MSRA: variants seen among roughly 807,000 people sequenced by gnomAD.
The protein encoded by MSRA is methionine sulfoxide reductase A.
MSRA carries 54 observed loss-of-function variants against 31.3 expected under a neutral mutation model. That is an observed-to-expected ratio of 1.73 (90% CI 1.39 to 2.17). The LOEUF (loss-of-function observed/expected upper bound fraction) is 2.17. Among genes scored for constraint, MSRA ranks in the 30% most tolerant of loss-of-function variants. MSRA has a pLI of 0.00. For synonymous variants in MSRA, 169 were observed against 116.5 expected, an observed-to-expected ratio of 1.45 and a Z score of -2.90; for missense variants, 507 against 300.9, an observed-to-expected ratio of 1.69 and a Z score of -5.07.
chr8:10,282,582 A>G (rs1285185374), intron 3 of MSRA, among the ~76,000 whole-genome samples: 2 of 152,164 alleles, frequency 1.3e-5, no homozygotes, highest in Admixed American at 1.3e-4. Flanking sequence ...CCATAGTGGC[A>G]CTGTGCTTGA....
intron 1 of MSRA, among the ~76,000 whole-genome samples, chr8:10,146,435 A>G (rs1248525742): frequency 1.3e-5 from 2 of 152,172 alleles, no homozygotes; most frequent in African/African-American, 4.8e-5. Flanking sequence ...ATGCTCTTGC[A>G]TCGGTAGAGA....
At chr8:10,319,756 C>T (rs188979893) in intron 4 of MSRA, 127 bp from the exon 5 acceptor site, 2 of 450,072 alleles carry the variant, frequency 4.4e-6, no homozygotes, top group Non-Finnish European at 7.8e-6. Flanking sequence ...TTAAAACAAG[C>T]ACTTAGCAAC....
At chr8:10,403,591 G>T (rs543607777) in intron 5 of MSRA, among the ~76,000 whole-genome samples, 7 of 152,344 alleles carry the variant, frequency 4.6e-5, no homozygotes, top group African/African-American at 1.7e-4. Flanking sequence ...GTGTCCCGTG[G>T]GGAAAAGCAT....
chr8:10,421,726 G>GC (rs1808822665), intron 5 of MSRA, among the ~76,000 whole-genome samples: 1 of 152,208 alleles, frequency 6.6e-6, no homozygotes, highest in African/African-American at 2.4e-5. Flanking sequence ...TGCTTTTCGT[G>GC]CATCTGTGGT....
At chr8:10,332,451 T>TCCCCCCCCCCCCC (rs373121180) in intron 5 of MSRA, among the ~76,000 whole-genome samples, 2 of 146,510 alleles carry the variant, frequency 1.4e-5, no homozygotes, top group Non-Finnish European at 1.5e-5. Context: ...AAAAGAAAAA[T>TCCCCCCCCCCCCC]CCCCCCTCCC....
intron 1 of MSRA, among the ~76,000 whole-genome samples, chr8:10,119,632 C>A (rs138716274): frequency 6.6e-6 from 1 of 152,174 alleles, no homozygotes; most frequent in Non-Finnish European, 1.5e-5. Flanking sequence ...ACAAAAGACA[C>A]AAGCATTGAG....
intron 1 of MSRA, among the ~76,000 whole-genome samples, chr8:10,178,591 A>C (rs553685056): frequency 2.0e-5 from 3 of 152,234 alleles, no homozygotes; most frequent in Non-Finnish European, 4.4e-5. Context: ...TTGTGTAAGA[A>C]AAATGAAAAT....
chr8:10,277,473 A>G (rs117730498), intron 3 of MSRA, among the ~76,000 whole-genome samples: 5,551 of 152,272 alleles, frequency 0.036, 131 homozygotes, highest in Non-Finnish European at 0.051. Flanking sequence ...AATCCCTTCT[A>G]GTTCTATTCT....
At chr8:10,241,744 C>G (rs1812432820) in intron 2 of MSRA, among the ~76,000 whole-genome samples, 1 of 142,864 alleles carries the variant, frequency 7.0e-6, no homozygotes, top group African/African-American at 2.4e-5. Context: ...AAAGACCATC[C>G]ATAGCCCCAC....
intron 3 of MSRA, among the ~76,000 whole-genome samples, chr8:10,299,273 A>T (rs188983285): frequency 2.6e-5 from 4 of 152,118 alleles, no homozygotes; most frequent in African/African-American, 9.7e-5. Flanking sequence ...AATGTTTTTC[A>T]TGCCAAATAT....
intron 1 of MSRA, among the ~76,000 whole-genome samples, chr8:10,094,843 TGAG>T (rs1799041789): frequency 1.3e-5 from 2 of 152,370 alleles, no homozygotes; most frequent in African/African-American, 2.4e-5. Flanking sequence ...TGCTGGAACT[TGAG>T]GTGTCAAAAT....
chr8:10,374,237 T>A (rs192867234), intron 5 of MSRA, among the ~76,000 whole-genome samples: 4 of 152,302 alleles, frequency 2.6e-5, no homozygotes, highest in African/African-American at 9.6e-5. Context: ...ACTTACAGAA[T>A]GTAATTTTGA....
intron 2 of MSRA, among the ~76,000 whole-genome samples, chr8:10,236,618 C>T (rs554632719): frequency 2.7e-4 from 41 of 152,302 alleles, no homozygotes; most frequent in Non-Finnish European, 4.4e-4. Flanking sequence ...AATCTCAGCT[C>T]GCTGCAACCT....
At chr8:10,097,341 C>T (rs1048611522) in intron 1 of MSRA, among the ~76,000 whole-genome samples, 1 of 152,102 alleles carries the variant, frequency 6.6e-6, no homozygotes, top group Non-Finnish European at 1.5e-5. Context: ...CTCCTTTATA[C>T]ACTACGTCGC....
chr8:10,294,055 C>T (rs1255824032), intron 3 of MSRA, among the ~76,000 whole-genome samples: 1 of 151,918 alleles, frequency 6.6e-6, no homozygotes, highest in Admixed American at 6.6e-5. Flanking sequence ...AATACAAAAA[C>T]CACCCAGGCA....
intron 1 of MSRA, among the ~76,000 whole-genome samples, chr8:10,128,175 C>G (rs538391952): frequency 2.0e-5 from 3 of 152,016 alleles, no homozygotes; most frequent in Non-Finnish European, 2.9e-5. Flanking sequence ...ATCAGGAGTT[C>G]GAGACCAGCC....
At chr8:10,188,423 C>T (rs1424478200) in intron 1 of MSRA, among the ~76,000 whole-genome samples, 1 of 152,128 alleles carries the variant, frequency 6.6e-6, no homozygotes, top group Non-Finnish European at 1.5e-5. Context: ...GTCAAAATAG[C>T]AACAAAAACA....
intron 3 of MSRA, among the ~76,000 whole-genome samples, chr8:10,277,210 C>G (rs1434733199): frequency 5.9e-5 from 9 of 152,148 alleles, no homozygotes; most frequent in Admixed American, 6.6e-5. Flanking sequence ...CAGTAATAAT[C>G]TAAGTCTCGT....
intron 1 of MSRA, among the ~76,000 whole-genome samples, chr8:10,152,725 G>T (rs1803812945): frequency 6.6e-6 from 1 of 152,182 alleles, no homozygotes; most frequent in South Asian, 2.1e-4. Flanking sequence ...CACACTTCAT[G>T]TTCACAGCAG....
Sources: allele counts gnomAD v4.1 joint callset (sites outside exome capture counted in the v4.1 genomes callset), GRCh38; gene constraint gnomAD v4.1.1; transcripts MANE v1.5; gene names NCBI Gene and HGNC (gene_info 2026-07-23, HGNC 2026-07-21).